The following THSD7A variants were observed in gnomAD, a reference collection of about 807,000 sequenced individuals.
The protein encoded by THSD7A is thrombospondin type-1 domain-containing protein 7A.
Under a neutral mutation model 231.3 loss-of-function variants are expected in THSD7A, and 96 were observed. The observed-to-expected ratio is 0.41, with a 90% confidence interval of 0.35 to 0.49. The LOEUF (loss-of-function observed/expected upper bound fraction) is 0.49, where lower values mean the gene tolerates loss of function less well. Ranked by LOEUF, THSD7A falls within the 20% of genes least tolerant of loss-of-function variation. The probability of loss-of-function intolerance (pLI) is 0.05; values close to 1 mark genes in which losing one functional copy is unlikely to be tolerated. For synonymous variants in THSD7A, 940 were observed against 743.3 expected (o/e 1.26, Z -4.30); for missense variants, 2,290 against 2,070.2 (o/e 1.11, Z -2.06).
At chr7:11,572,671 C>A (rs924571325) in intron 4 of THSD7A, among the ~76,000 whole-genome samples, 3 of 151,686 alleles carry the variant, frequency 2.0e-5, no homozygotes, top group African/African-American at 7.3e-5. Flanking sequence ...CCATGCCCAG[C>A]AAATTAATTT....
intron 4 of THSD7A, among the ~76,000 whole-genome samples, chr7:11,555,242 T>A (rs1158292013): frequency 6.6e-6 from 1 of 151,974 alleles, no homozygotes; most frequent in African/African-American, 2.4e-5. Context: ...GTTACAAATG[T>A]CTATCTCAGC....
intron 2 of THSD7A, among the ~76,000 whole-genome samples, chr7:11,631,360 T>C (rs951160184): frequency 7.2e-5 from 11 of 151,990 alleles, no homozygotes; most frequent in Non-Finnish European, 1.3e-4. Context: ...GGGAGTGGAG[T>C]AAAATTGCCT....
At chr7:11,487,377 G>A (rs957438451) in intron 6 of THSD7A, among the ~76,000 whole-genome samples, 4 of 152,106 alleles carry the variant, frequency 2.6e-5, no homozygotes, top group South Asian at 4.2e-4. Context: ...TGCATTTATC[G>A]TGTTAGAGCC....
chr7:11,739,932 G>A (rs1526521), intron 1 of THSD7A, among the ~76,000 whole-genome samples: 27,920 of 151,874 alleles, frequency 0.18, 3,256 homozygotes, highest in African/African-American at 0.32. Context: ...GTGTGTTAAC[G>A]TGCTAGCTTG....
chr7:11,741,445 G>T (rs1402546189), intron 1 of THSD7A, among the ~76,000 whole-genome samples: 1 of 151,740 alleles, frequency 6.6e-6, no homozygotes. Flanking sequence ...ATAATTTATG[G>T]TTAATTTTGT....
rs539259360 is a variant in THSD7A, at chr7:11,634,833, G to A, written c.1022+1297C>T. 1.1e-3 allele frequency among the ~76,000 whole-genome samples: 164 copies of A among 152,022 alleles called. No individual in the cohort carries two copies. Among genetic ancestry groups the A allele is most frequent in the Non-Finnish European group, 2.0e-3 (136 of 67,984 alleles). On this transcript the variant is annotated intron_variant, in intron 2 of 27. Transcript: ENST00000423059. The surrounding 1 kb of genome is among the most constrained non-coding windows in gnomAD (Gnocchi z 4.1). ...ATGATGAGAGAAAGTTATTGTCTTA[G>A]ACAGACCAATCAATTTTTGTTTATC...
At chr7:11,647,970 T>C (rs923097531) in intron 1 of THSD7A, among the ~76,000 whole-genome samples, 3 of 152,102 alleles carry the variant, frequency 2.0e-5, no homozygotes, top group African/African-American at 7.2e-5. Context: ...TACTCAATTC[T>C]GCCTCTAATG....
Position 11,730,467 on chromosome 7 carries a change from G to T in THSD7A, c.191-93506C>A. ...TCATGTTTTAAAATACAGTTAAAGCGTTATTTACGTAATGTATTATAATAA... is the reference window on the plus strand; with the variant it reads ...TCATGTTTTAAAATACAGTTAAAGCTTTATTTACGTAATGTATTATAATAA... On this transcript the variant is annotated intron_variant, in intron 1 of 27. Transcript: ENST00000423059. Among the ~76,000 whole-genome samples the T allele has an allele frequency of 1.3e-5, 2 of 151,232 alleles. 1 individual carries two copies. The highest frequency in any genetic ancestry group is 4.2e-4 in the South Asian group (2 of 4,810).
At chr7:11,450,405 T>C (rs959905439) in intron 11 of THSD7A, among the ~76,000 whole-genome samples, 7 of 152,034 alleles carry the variant, frequency 4.6e-5, no homozygotes, top group Admixed American at 1.3e-4. Context: ...GACAGTGTAC[T>C]TTTGGAATAA....
intron 1 of THSD7A, among the ~76,000 whole-genome samples, chr7:11,729,198 T>C (rs1440970892): frequency 6.6e-6 from 1 of 151,794 alleles, no homozygotes; most frequent in Non-Finnish European, 1.5e-5. Context: ...AGGTTGTTCA[T>C]TGTGGGATGC....
At chr7:11,387,758 C>T (rs760025562) in intron 23 of THSD7A, among the ~76,000 whole-genome samples, 6 of 151,984 alleles carry the variant, frequency 3.9e-5, no homozygotes, top group Non-Finnish European at 5.9e-5. Flanking sequence ...GAATAGGAGT[C>T]GTAAGAGAGG....
chr7:11,486,532 A>G (rs1786665519), intron 6 of THSD7A, among the ~76,000 whole-genome samples: 1 of 152,180 alleles, frequency 6.6e-6, no homozygotes, highest in Non-Finnish European at 1.5e-5. Context: ...ATCTGGACAG[A>G]CACATCTGAT....
intron 6 of THSD7A, among the ~76,000 whole-genome samples, chr7:11,520,696 T>C (rs1339436103): frequency 6.6e-6 from 1 of 152,202 alleles, no homozygotes; most frequent in African/African-American, 2.4e-5. Context: ...CTTCAAGTCT[T>C]GGTATAATTT....
intron 6 of THSD7A, among the ~76,000 whole-genome samples, chr7:11,499,418 C>A (rs1292043370): frequency 6.6e-6 from 1 of 152,162 alleles, no homozygotes; most frequent in Non-Finnish European, 1.5e-5. Flanking sequence ...ACCAAGATTT[C>A]CCTAGAGCTT....
intron 11 of THSD7A, among the ~76,000 whole-genome samples, chr7:11,455,454 T>A (rs1785276190): frequency 6.6e-6 from 1 of 151,992 alleles, no homozygotes; most frequent in Non-Finnish European, 1.5e-5. Context: ...TTAGAGAAGA[T>A]TGGGCAAAAA....
intron 23 of THSD7A, among the ~76,000 whole-genome samples, chr7:11,390,080 G>A (rs559617448): frequency 2.0e-5 from 3 of 152,204 alleles, no homozygotes; most frequent in Admixed American, 2.0e-4. Context: ...TGAATCTGAT[G>A]ATTATGTGTC....
In THSD7A at chr7:11,573,634, A is replaced by G. The variant is rs577082069; in HGVS notation, c.1453+16826T>C. On this transcript the variant is annotated intron_variant, in intron 4 of 27. Transcript: ENST00000423059. ...GTTCCATTTATTCTCTTATGGATAG[A>G]AGCAGAAGCCTAACAATATGTTTGC... is the stretch of plus-strand genomic sequence containing the variant. Among the ~76,000 whole-genome samples, 14 of 152,312 alleles carry G rather than the reference A, an allele frequency of 9.2e-5. 2 individuals are homozygous for G. The South Asian group carries it at 2.9e-3, about 32-fold the overall frequency.
intron 1 of THSD7A, among the ~76,000 whole-genome samples, chr7:11,745,117 T>C (rs1164075197): frequency 2.6e-5 from 4 of 152,136 alleles, no homozygotes; most frequent in Admixed American, 2.6e-4. Flanking sequence ...GTTTCCTGAC[T>C]TTTTAATAAT....
At chr7:11,450,797 A>T (rs145349863) in intron 11 of THSD7A, among the ~76,000 whole-genome samples, 39 of 152,144 alleles carry the variant, frequency 2.6e-4, no homozygotes, top group Middle Eastern at 3.4e-3. Context: ...ATGATGACAC[A>T]AGTTCTCCTT....
Sources: gnomAD v4.1 joint callset for allele counts (sites outside exome capture counted in the v4.1 genomes callset) on GRCh38, gnomAD v4.1.1 for gene constraint, Gnocchi (gnomAD v3.1) non-coding constraint, MANE v1.5 for transcripts, NCBI Gene and HGNC (gene_info 2026-07-23, HGNC 2026-07-21) for gene names.